The following REDIC1 variants were observed in gnomAD, a reference collection of about 807,000 sequenced individuals.
REDIC1 encodes regulator of DNA class I crossover intermediates 1.
chr12:39,790,225 CT>C, the REDIC1 span, among the ~76,000 whole-genome samples: 2 of 108,028 alleles, frequency 1.9e-5, no homozygotes, highest in Admixed American at 1.9e-4. Context: ...TCTTCTTCTT[CT>C]TTTTTTATTA....
At chr12:39,760,034 C>T in the REDIC1 span, 1 of 1,611,168 alleles carries the variant, frequency 6.2e-7, no homozygotes, top group Non-Finnish European at 8.5e-7. Context: ...AATTATTCCA[C>T]ATCAGAAGCA....
chr12:39,838,007 C>T, the REDIC1 span, among the ~76,000 whole-genome samples: 1 of 150,872 alleles, frequency 6.6e-6, no homozygotes. Context: ...ACCCAAATGA[C>T]TATAAATCAT....
chr12:39,852,479 T>C, the REDIC1 span, among the ~76,000 whole-genome samples: 2,148 of 152,322 alleles, frequency 0.014, 38 homozygotes, highest in African/African-American at 0.047. Flanking sequence ...TAAAGAGGAC[T>C]TGTTCATTGA....
chr12:39,717,047 T>C, the REDIC1 span, among the ~76,000 whole-genome samples: 3 of 151,808 alleles, frequency 2.0e-5, no homozygotes, highest in African/African-American at 7.3e-5. Flanking sequence ...AGTACCATTT[T>C]TCACATTTGT....
the REDIC1 span, among the ~76,000 whole-genome samples, chr12:39,706,137 A>G: frequency 3.3e-5 from 5 of 152,090 alleles, no homozygotes; most frequent in African/African-American, 1.2e-4. Context: ...CAAAATCAAC[A>G]TGCAAAAATC....
At chr12:39,716,632 C>T in the REDIC1 span, 2 of 623,866 alleles carry the variant, frequency 3.2e-6, no homozygotes, top group Non-Finnish European at 5.4e-6. Context: ...AATTTTGGTA[C>T]ATTTTAAAGT....
the REDIC1 span, among the ~76,000 whole-genome samples, chr12:39,673,457 CATTT>C: frequency 6.6e-6 from 1 of 152,192 alleles, no homozygotes; most frequent in African/African-American, 2.4e-5. Flanking sequence ...GTGCTCGGAA[CATTT>C]ATTTCAATGA....
the REDIC1 span, among the ~76,000 whole-genome samples, chr12:39,732,915 G>A: frequency 6.6e-6 from 1 of 152,096 alleles, no homozygotes; most frequent in Non-Finnish European, 1.5e-5. Flanking sequence ...GGCTTATTGT[G>A]TGTATTTTCT....
chr12:39,812,580 C>T, the REDIC1 span, among the ~76,000 whole-genome samples: 1 of 151,848 alleles, frequency 6.6e-6, no homozygotes, highest in African/African-American at 2.4e-5. Context: ...TCAAGCGATT[C>T]TCCTGCCTCA....
the REDIC1 span, among the ~76,000 whole-genome samples, chr12:39,717,631 G>A: frequency 6.6e-6 from 1 of 152,030 alleles, no homozygotes; most frequent in Non-Finnish European, 1.5e-5. Flanking sequence ...GAAATACATC[G>A]TTATTTCTGT....
At chr12:39,679,839 A>G in the REDIC1 span, among the ~76,000 whole-genome samples, 8 of 152,192 alleles carry the variant, frequency 5.3e-5, no homozygotes, top group Non-Finnish European at 1.0e-4. Context: ...ATAAAGCCAA[A>G]TACTTAAAGT....
chr12:39,784,389 G>A, the REDIC1 span, among the ~76,000 whole-genome samples: 1 of 152,092 alleles, frequency 6.6e-6, no homozygotes, highest in Non-Finnish European at 1.5e-5. Flanking sequence ...ATAGAACAAT[G>A]GAACAGAACA....
the REDIC1 span, chr12:39,758,548 A>G: frequency 6.6e-5 from 10 of 152,120 alleles, no homozygotes; most frequent in East Asian, 1.5e-3. Flanking sequence ...TTTTGTGATC[A>G]AGTAATTTTG....
the REDIC1 span, among the ~76,000 whole-genome samples, chr12:39,806,484 A>G: frequency 2.0e-5 from 3 of 152,198 alleles, no homozygotes; most frequent in African/African-American, 7.2e-5. Flanking sequence ...TAGAAGTCAC[A>G]CAGGCTTCTA....
chr12:39,789,179 G>C, the REDIC1 span, among the ~76,000 whole-genome samples: 1 of 152,040 alleles, frequency 6.6e-6, no homozygotes, highest in Non-Finnish European at 1.5e-5. Flanking sequence ...TGGCCCCAGA[G>C]ATAATTACCA....
the REDIC1 span, among the ~76,000 whole-genome samples, chr12:39,637,085 T>C: frequency 6.6e-6 from 1 of 152,072 alleles, no homozygotes; most frequent in South Asian, 2.1e-4. Context: ...CTCTCCTTTC[T>C]CTTCCCTTCT....
At chr12:39,673,566 A>G in the REDIC1 span, among the ~76,000 whole-genome samples, 2 of 152,152 alleles carry the variant, frequency 1.3e-5, no homozygotes, top group African/African-American at 4.8e-5. Context: ...CACTGATTCT[A>G]TTCCAGCTTT....
the REDIC1 span, among the ~76,000 whole-genome samples, chr12:39,653,592 CTCT>C: frequency 8.8e-5 from 2 of 22,772 alleles, no homozygotes; most frequent in Non-Finnish European, 1.4e-4. Context: ...CTTCTTCTTC[CTCT>C]TCTTCTTCTT....
the REDIC1 span, among the ~76,000 whole-genome samples, chr12:39,808,396 G>A: frequency 5.9e-5 from 9 of 152,230 alleles, no homozygotes; most frequent in South Asian, 1.2e-3. Context: ...TTATGAATAA[G>A]GCTGCTATAA....
Sources: allele counts gnomAD v4.1 joint callset (sites outside exome capture counted in the v4.1 genomes callset), GRCh38; gene constraint gnomAD v4.1.1; transcripts MANE v1.5; gene names NCBI Gene and HGNC (gene_info 2026-07-23, HGNC 2026-07-21).